Variants in WDR93 observed in about 807,000 individuals in gnomAD.
WDR93 encodes WD repeat-containing protein 93.
WDR93 carries 73 observed loss-of-function variants against 82.9 expected under a neutral mutation model. The observed-to-expected ratio is 0.88, with a 90% CI of 0.73 to 1.07. The LOEUF (loss-of-function observed/expected upper bound fraction) is 1.07, where lower values mean the gene tolerates loss of function less well. Among genes scored for constraint, WDR93 ranks in the 50% least tolerant of loss-of-function variants. WDR93 has a pLI of 0.00. For synonymous variants in WDR93, 283 were observed against 300.1 expected (o/e 0.94, Z 0.59); for missense variants, 738 against 826.0 (o/e 0.89, Z 1.31).
Position 89,690,846 on chromosome 15 carries a change from C to A in WDR93, c.-52C>A. On this transcript the variant is annotated 5_prime_UTR_variant, in exon 1 of 17. Transcript: ENST00000268130. ...TTGTGGTTACCAAGGCGACGCAACGCCGCCCGGCCAGGTGAGCAAAACTGA... is the reference window on the plus strand; with the variant it reads ...TTGTGGTTACCAAGGCGACGCAACGACGCCCGGCCAGGTGAGCAAAACTGA... 1.8e-6 allele frequency: 1 copy of A among 551,470 alleles called. No individual in the cohort carries two copies. The highest frequency in any genetic ancestry group is 3.2e-6 in the Non-Finnish European group (1 of 309,242). The allele number at this position is 551,470 out of a possible 1,614,324, so 34.2% of individuals were successfully genotyped here. A position where few individuals can be genotyped will look rare whatever the true frequency, so the allele number is the denominator to read the frequency against.
upstream of WDR93, chr15:89,690,766 G>C: frequency 1.7e-6 from 1 of 589,380 alleles, no homozygotes; most frequent in South Asian, 2.1e-5. Flanking sequence ...GCCCCAGAGG[G>C]GGCGGGCACA....
chr15:89,714,390 C>T (rs1391707885), intron 5 of WDR93: 2 of 152,242 alleles, frequency 1.3e-5, no homozygotes, highest in Non-Finnish European at 2.9e-5. Flanking sequence ...ACGGCCTGAT[C>T]TCGGCTCACT....
At chr15:89,707,843 A>G (rs1332379253) in intron 4 of WDR93, among the ~76,000 whole-genome samples, 1 of 152,230 alleles carries the variant, frequency 6.6e-6, no homozygotes, top group East Asian at 1.9e-4. Flanking sequence ...TTGTACGTGA[A>G]TGTTCATAGC....
chr15:89,716,871 T>C, intron 6 of WDR93, 40 bp from the exon 7 acceptor site: 1 of 1,429,272 alleles, frequency 7.0e-7, no homozygotes, highest in East Asian at 2.4e-5. Flanking sequence ...TAAACATACA[T>C]CAAACCTATT....
rs1438831436 is a variant in WDR93, at chr15:89,735,471, T to A, written c.1545-19T>A. ...AACTCTTAAAGTAGGAGAATGTCTG[T>A]ATATTTTCTGTCCTATAGGCCTGTA... is the stretch of plus-strand genomic sequence containing the variant. On this transcript the variant is annotated intron_variant, in intron 13 of 16. Transcript: ENST00000268130. 1.2e-6 allele frequency: 2 copies of A among 1,613,466 alleles called. No homozygotes were observed. The highest frequency in any genetic ancestry group is 1.7e-4 in the Middle Eastern group (1 of 6,054).
Position 89,729,882 on chromosome 15 carries a change from A to T in WDR93, c.1210+113A>T, listed in dbSNP as rs373722024. The T allele has an allele frequency of 3.0e-5, 26 of 856,616 alleles. No homozygotes were observed. In the Admixed American group the frequency reaches 3.5e-4, roughly 12 times the overall value. The allele number at this position is 856,616 out of a possible 1,614,324, so 53.1% of individuals were successfully genotyped here. On this transcript the variant is annotated intron_variant, in intron 11 of 16. Coordinates refer to ENST00000268130, the MANE Select transcript of WDR93 (RefSeq NM_020212.2). Reference sequence around the variant, plus strand: ...TACATCAAGTGTCACTTTAGGGACCAGATCTAGGCAGGCAGTAGGGGGTTT... The same window carrying T: ...TACATCAAGTGTCACTTTAGGGACCTGATCTAGGCAGGCAGTAGGGGGTTT...
chr15:89,723,819 C>G (rs1966623415), intron 8 of WDR93, among the ~76,000 whole-genome samples: 1 of 152,156 alleles, frequency 6.6e-6, no homozygotes, highest in Admixed American at 6.6e-5. Flanking sequence ...TAACCCCTGC[C>G]TCATGTCGTA....
intron 2 of WDR93, 88 bp downstream of exon 2, chr15:89,702,137 TA>T: frequency 1.4e-6 from 2 of 1,393,830 alleles, no homozygotes; most frequent in Middle Eastern, 2.6e-4. Context: ...GAATTCCTAC[TA>T]GAAAGCTGCA....
At chr15:89,703,442 C>G (rs570737130) in intron 3 of WDR93, 1 of 413,356 alleles carries the variant, frequency 2.4e-6, no homozygotes, top group Non-Finnish European at 4.4e-6. Context: ...CATGGAAAGT[C>G]AGGCTTCAAA....
chr15:89,706,043 T>A (rs1431493802), intron 4 of WDR93, among the ~76,000 whole-genome samples: 2 of 152,050 alleles, frequency 1.3e-5, no homozygotes, highest in African/African-American at 4.8e-5. Flanking sequence ...AGCTCAAATA[T>A]CTCCTCTAAG....
Position 89,729,776 on chromosome 15 carries a change from T to C in WDR93, c.1210+7T>C. On this transcript the variant is annotated splice_region_variant and intron_variant, in intron 11 of 16. Coordinates refer to ENST00000268130, the MANE Select transcript of WDR93 (RefSeq NM_020212.2). Reference sequence around the variant, plus strand: ...ACTCTAAAGGATAAAGCTGGTACTTTACTGCTGAGATGGGAGTCGCCTAAG... The same window carrying C: ...ACTCTAAAGGATAAAGCTGGTACTTCACTGCTGAGATGGGAGTCGCCTAAG... The C allele has an allele frequency of 1.2e-6, 2 of 1,611,966 alleles. No individual in the cohort carries two copies. Among genetic ancestry groups the C allele is most frequent in the Non-Finnish European group, 1.7e-6 (2 of 1,178,406 alleles).
chr15:89,732,438 C>T (rs573458875), intron 12 of WDR93, among the ~76,000 whole-genome samples: 1 of 152,292 alleles, frequency 6.6e-6, no homozygotes, highest in East Asian at 1.9e-4. Context: ...ATTTTCCCCA[C>T]ACACTGCTAA....
chr15:89,723,909 C>T (rs1001296248), intron 8 of WDR93, among the ~76,000 whole-genome samples: 1 of 152,134 alleles, frequency 6.6e-6, no homozygotes, highest in Admixed American at 6.6e-5. Context: ...AATAAATATA[C>T]TCTTCAGGCC....
Position 89,722,120 on chromosome 15 carries a change from A to G in WDR93, c.861A>G (p.Lys287=). ...LSLPVYIMKI[K]PPKPVTGTTF... ...TTCCAGTTTACATAATGAAGATCAA[A>G]CCACCTAAGCCTGTTACAGGTAAGT... is the stretch of plus-strand genomic sequence containing the variant. The change falls in exon 8 of 17, where the codon AAA becomes AAG. Residue 287 remains lysine (K), a synonymous_variant. Coordinates refer to ENST00000268130, the MANE Select transcript of WDR93 (RefSeq NM_020212.2). The G allele has an allele frequency of 6.2e-7, 1 of 1,608,110 alleles. No individual in the cohort carries two copies. The highest frequency in any genetic ancestry group is 2.2e-5 in the East Asian group (1 of 44,658).
chr15:89,727,067 C>G, intron 8 of WDR93, 90 bp from the exon 9 acceptor site: 2 of 1,425,606 alleles, frequency 1.4e-6, no homozygotes, highest in African/African-American at 2.8e-5. Context: ...AGGGATTCTG[C>G]AGGAAGCTGG....
chr15:89,706,215 G>A (rs1251073341), intron 4 of WDR93, among the ~76,000 whole-genome samples: 2 of 152,072 alleles, frequency 1.3e-5, no homozygotes, highest in Non-Finnish European at 2.9e-5. Flanking sequence ...TTTACCTTTT[G>A]AATCCCCTTT....
intron 14 of WDR93, among the ~76,000 whole-genome samples, chr15:89,736,344 G>A (rs1032720320): frequency 2.6e-5 from 4 of 152,132 alleles, no homozygotes; most frequent in East Asian, 1.9e-4. Flanking sequence ...GGAGGGTGAG[G>A]GGCCTACAGG....
At chr15:89,739,645 G>A (rs1285646199) in intron 16 of WDR93, among the ~76,000 whole-genome samples, 3 of 152,184 alleles carry the variant, frequency 2.0e-5, no homozygotes, top group African/African-American at 7.2e-5. Flanking sequence ...CATTTCGGGT[G>A]GACTGGGGTC....
intron 5 of WDR93, chr15:89,714,304 A>T (rs537930567): frequency 6.6e-6 from 1 of 152,492 alleles, no homozygotes; most frequent in Admixed American, 6.5e-5. Context: ...CTCTGCAAGG[A>T]TGACACACAA....
Sources: allele counts gnomAD v4.1 joint callset (sites outside exome capture counted in the v4.1 genomes callset), GRCh38; gene constraint gnomAD v4.1.1; transcripts MANE v1.5; gene names NCBI Gene and HGNC (gene_info 2026-07-23, HGNC 2026-07-21).